PPP5C: variants seen among roughly 807,000 people sequenced by gnomAD.
The protein encoded by PPP5C is protein phosphatase 5 catalytic subunit.
PPP5C carries 21 observed loss-of-function variants against 66.7 expected under a neutral mutation model. The ratio of observed to expected loss-of-function variants is 0.31; its 90% CI spans 0.22 to 0.45. The LOEUF is 0.45. Ranked by LOEUF, PPP5C falls within the 20% of genes least tolerant of loss-of-function variation. The pLI is 1.00. For missense variants in PPP5C, 464 were observed against 675.9 expected (o/e 0.69, Z 3.48); for synonymous variants, 246 against 257.4 (o/e 0.96, Z 0.43).
intron 2 of PPP5C, among the ~76,000 whole-genome samples, chr19:46,362,386 T>G (rs1215741156): frequency 2.0e-5 from 3 of 152,220 alleles, no homozygotes; most frequent in African/African-American, 7.2e-5. Context: ...GAAGCCATAT[T>G]TAGTAGTTAC....
At chr19:46,364,207 CGT>C (rs71961872) in intron 2 of PPP5C, among the ~76,000 whole-genome samples, 2,793 of 151,988 alleles carry the variant, frequency 0.018, 97 homozygotes, top group African/African-American at 0.063. Context: ...TATATATATA[CGT>C]GTGTGTGTGT....
At chr19:46,360,735 A>G (rs1390105897) in intron 2 of PPP5C, among the ~76,000 whole-genome samples, 2 of 152,166 alleles carry the variant, frequency 1.3e-5, no homozygotes, top group African/African-American at 4.8e-5. Context: ...ACTAGCCTCA[A>G]GTGATCAGCT....
At position 46,383,786 on chromosome 19, in the gene PPP5C, A is replaced by G. The variant is rs1379239319; in HGVS notation, c.706A>G (p.Lys236Glu). Residue 236 changes from lysine (K) to glutamate (E), a missense_variant, in exon 6 of 13, where the codon AAG becomes GAG. Lys to Glu is a moderately conservative substitution (Grantham distance 56). Coordinates refer to ENST00000012443, the MANE Select transcript of PPP5C (RefSeq NM_006247.4). This position sits in a 1 kb window ranked among gnomAD's most constrained non-coding sequence, Gnocchi z 5.0. ...LVETTLKETE[K>E]ITVCGDTHGQ... ...GTGGCCTCTTTTCTTTCAGACAGAG[A>G]AGATTACAGTATGTGGGGACACCCA... The G allele has an allele frequency of 4.3e-6, 7 of 1,612,300 alleles. No individual in the cohort carries two copies. Among genetic ancestry groups the G allele is most frequent in the Non-Finnish European group, 5.9e-6 (7 of 1,178,736 alleles).
Position 46,388,564 on chromosome 19 carries a change from G to C in PPP5C, c.1188G>C (p.Ser396=). 6.2e-7 allele frequency: 1 copy of C among 1,614,032 alleles called. No individual in the cohort carries two copies. The highest frequency in any genetic ancestry group is 8.5e-7 in the Non-Finnish European group (1 of 1,179,932). ...WSDPQPQNGR[S]ISKRGVSCQF... Reference sequence around the variant, plus strand: ...CTGCCCACCCTCAGAACGGGCGCTCGATCAGCAAGCGGGGCGTGAGCTGTC... The same window carrying C: ...CTGCCCACCCTCAGAACGGGCGCTCCATCAGCAAGCGGGGCGTGAGCTGTC... Residue 396 remains serine (S), a synonymous_variant, in exon 11 of 13, where the codon TCG becomes TCC. Transcript: ENST00000012443. This position sits in a 1 kb window ranked among gnomAD's most constrained non-coding sequence, Gnocchi z 4.9.
chr19:46,386,306 GTT>G (rs1230214073), intron 7 of PPP5C, among the ~76,000 whole-genome samples: 2 of 152,208 alleles, frequency 1.3e-5, no homozygotes, highest in Admixed American at 1.3e-4. Flanking sequence ...GCCGGGGTGA[GTT>G]GGGAGGTGAG....
At chr19:46,367,016 T>C (rs1208314246) in intron 2 of PPP5C, among the ~76,000 whole-genome samples, 2 of 152,200 alleles carry the variant, frequency 1.3e-5, no homozygotes, top group African/African-American at 4.8e-5. Context: ...ATCTAGCACA[T>C]GCCTCCTCTT....
In PPP5C at chr19:46,383,996, C is replaced by T. The variant is rs1972840871; in HGVS notation, c.798+118C>T. Reference sequence around the variant, plus strand: ...AGACGTGACCTTGGAAAGGAGAGGCCTGGCCATGCTGGGGCACCAAGGTGT... The same window carrying T: ...AGACGTGACCTTGGAAAGGAGAGGCTTGGCCATGCTGGGGCACCAAGGTGT... On this transcript the variant is annotated intron_variant, in intron 6 of 12. Coordinates refer to ENST00000012443, the MANE Select transcript of PPP5C (RefSeq NM_006247.4). The surrounding 1 kb of genome is among the most constrained non-coding windows in gnomAD (Gnocchi z 5.0). 1 of 845,904 alleles carries T rather than the reference C, an allele frequency of 1.2e-6. No individual in the cohort carries two copies. The highest frequency in any genetic ancestry group is 1.7e-5 in the African/African-American group (1 of 59,670). 52.4% of individuals were successfully genotyped at this position (845,904 alleles called of 1,614,324 possible).
intron 1 of PPP5C, among the ~76,000 whole-genome samples, chr19:46,353,528 T>TGGGGGGGGGGGGGG (rs1568564253): frequency 2.8e-5 from 3 of 107,960 alleles, no homozygotes; most frequent in Admixed American, 1.1e-4. Context: ...GAGGGGTGGG[T>TGGGGGGGGGGGGGG]GGGCGGGTGT....
intron 1 of PPP5C, among the ~76,000 whole-genome samples, chr19:46,352,398 G>C (rs146719715): frequency 1.9e-3 from 289 of 152,346 alleles, no homozygotes; most frequent in African/African-American, 6.7e-3. Flanking sequence ...GTAAGAGGCA[G>C]AGCTAGGGAC....
At chr19:46,358,533 C>T (rs1601416434) in intron 2 of PPP5C, among the ~76,000 whole-genome samples, 1 of 152,138 alleles carries the variant, frequency 6.6e-6, no homozygotes, top group East Asian at 1.9e-4. Flanking sequence ...TTCGTTTACC[C>T]TCGTAAATGT....
rs1568578853 is a variant in PPP5C at position 46,388,212 on chromosome 19, C to A, written c.1136-196C>A. ...ATTGAATGGGGTCTGGAGGGCAGAT[C>A]AGCAGAGAGGGTGGGGGTGGCTCAG... On this transcript the variant is annotated intron_variant, in intron 9 of 12. Coordinates refer to ENST00000012443, the MANE Select transcript of PPP5C (RefSeq NM_006247.4). The surrounding 1 kb of genome is among the most constrained non-coding windows in gnomAD (Gnocchi z 4.9). 8.5e-6 allele frequency: 5 copies of A among 588,938 alleles called. No homozygotes were observed. The highest frequency in any genetic ancestry group is 1.5e-5 in the Non-Finnish European group (5 of 338,458). 36.5% of individuals were successfully genotyped at this position (588,938 alleles called of 1,614,324 possible). A position where few individuals can be genotyped will look rare whatever the true frequency, so the allele number is the denominator to read the frequency against.
intron 2 of PPP5C, among the ~76,000 whole-genome samples, chr19:46,357,961 C>T (rs747801874): frequency 2.6e-5 from 4 of 152,270 alleles, no homozygotes; most frequent in African/African-American, 9.6e-5. Context: ...TCTCCCCTCC[C>T]GGAGGTTGGA....
chr19:46,383,821 C>A lies in PPP5C; in HGVS notation c.741C>A (p.Phe247Leu), dbSNP rs762149325. The A allele has an allele frequency of 1.2e-6, 2 of 1,614,070 alleles. No homozygotes were observed. The highest frequency in any genetic ancestry group is 1.7e-6 in the Non-Finnish European group (2 of 1,179,954). Residue 247 changes from phenylalanine to leucine, a missense_variant, in exon 6 of 13, where the codon TTC (phenylalanine) becomes TTA (leucine). Physicochemically the swap from Phe to Leu is conservative, Grantham distance 22. Transcript: ENST00000012443. This position sits in a 1 kb window ranked among gnomAD's most constrained non-coding sequence, Gnocchi z 5.0. ...ITVCGDTHGQFYDLLNIFELN... is the reference protein window; with the variant it reads ...ITVCGDTHGQLYDLLNIFELN... ...TATGTGGGGACACCCATGGCCAGTTCTATGACCTCCTCAACATATTCGAGC... is the reference window on the plus strand; with the variant it reads ...TATGTGGGGACACCCATGGCCAGTTATATGACCTCCTCAACATATTCGAGC...
rs917148685 is a variant in PPP5C at position 46,388,501 on chromosome 19, G to A, written c.1177-52G>A. 20 of 1,610,250 alleles carry A rather than the reference G, an allele frequency of 1.2e-5. No individual in the cohort carries two copies. The highest frequency in any genetic ancestry group is 6.7e-5 in the African/African-American group (5 of 74,868). On this transcript the variant is annotated intron_variant, in intron 10 of 12. Transcript: ENST00000012443. The surrounding 1 kb of genome is among the most constrained non-coding windows in gnomAD (Gnocchi z 4.9). ...GCGGGTGTGGGCTGTGGCAGCAGGT[G>A]GAGGCAGACAGTCACCCTGAACCCC...
chr19:46,374,356 C>T (rs534010753), intron 2 of PPP5C, among the ~76,000 whole-genome samples: 9 of 152,286 alleles, frequency 5.9e-5, no homozygotes, highest in South Asian at 4.1e-4. Context: ...CCTTGAGGGC[C>T]GGCCCTGGGA....
chr19:46,352,306 T>C (rs1972200898), intron 1 of PPP5C, among the ~76,000 whole-genome samples: 1 of 152,120 alleles, frequency 6.6e-6, no homozygotes, highest in South Asian at 2.1e-4. Context: ...GGGTGGGGAC[T>C]CTGTGCAGGG....
intron 2 of PPP5C, among the ~76,000 whole-genome samples, chr19:46,364,938 T>A (rs1334958380): frequency 6.6e-6 from 1 of 152,060 alleles, no homozygotes; most frequent in Non-Finnish European, 1.5e-5. Context: ...GGGGGGGCTG[T>A]CCTTTAAGGC....
At chr19:46,382,326 A>G (rs575962333) in intron 4 of PPP5C, 1 of 152,280 alleles carries the variant, frequency 6.6e-6, no homozygotes, top group African/African-American at 2.4e-5. Flanking sequence ...CTGCATTTTG[A>G]TTAATTTAGG....
At chr19:46,371,170 G>C (rs1351976542) in intron 2 of PPP5C, among the ~76,000 whole-genome samples, 1 of 152,134 alleles carries the variant, frequency 6.6e-6, no homozygotes, top group Non-Finnish European at 1.5e-5. Context: ...TGGAACTTGG[G>C]TGCAAACCTA....
Sources: gnomAD v4.1 joint callset for allele counts (sites outside exome capture counted in the v4.1 genomes callset) on GRCh38, gnomAD v4.1.1 for gene constraint, Gnocchi (gnomAD v3.1) non-coding constraint, MANE v1.5 for transcripts, NCBI Gene and HGNC (gene_info 2026-07-23, HGNC 2026-07-21) for gene names.